SUCLG2: variants seen among roughly 807,000 people sequenced by gnomAD.
SUCLG2 encodes succinate-CoA ligase GDP-forming subunit beta.
Under a neutral mutation model 47.9 loss-of-function variants are expected in SUCLG2, and 42 were observed. The ratio of observed to expected loss-of-function variants is 0.88; its 90% confidence interval spans 0.69 to 1.14. SUCLG2 has a LOEUF of 1.14. SUCLG2 is among the 50% of genes most tolerant of loss of function. The pLI is 0.00. For synonymous variants in SUCLG2, 195 were observed against 197.3 expected, an observed-to-expected ratio of 0.99 and a Z score of 0.10; for missense variants, 571 against 525.9, an observed-to-expected ratio of 1.09 and a Z score of -0.84.
intron 2 of SUCLG2, among the ~76,000 whole-genome samples, chr3:67,550,648 T>C (rs1706988690): frequency 6.6e-6 from 1 of 152,212 alleles, no homozygotes; most frequent in South Asian, 2.1e-4. Context: ...CCTTTCTGTG[T>C]ACATCTGTCT....
In SUCLG2 at chr3:67,440,179, T is replaced by C. The variant is rs183091384; in HGVS notation, c.1063-39328A>G. 5.1e-4 allele frequency among the ~76,000 whole-genome samples: 78 copies of C among 152,300 alleles called. 2 individuals carry two copies. The East Asian group carries it at 0.011, about 22-fold the overall frequency. ...GTGTTTGGAAAACTGGCTAGCCATA[T>C]GCAGAAAACTGAAGCTGGACTCCTT... is the stretch of plus-strand genomic sequence containing the variant. On this transcript the variant is annotated intron_variant, in intron 9 of 10. Transcript: ENST00000307227.
intron 2 of SUCLG2, among the ~76,000 whole-genome samples, chr3:67,583,088 T>G (rs1384633283): frequency 6.6e-6 from 1 of 151,946 alleles, no homozygotes; most frequent in Non-Finnish European, 1.5e-5. Flanking sequence ...ATGACATACC[T>G]CCCTCTCCTC....
intron 6 of SUCLG2, among the ~76,000 whole-genome samples, chr3:67,517,441 AC>A (rs1705974231): frequency 6.6e-6 from 1 of 152,160 alleles, no homozygotes; most frequent in Non-Finnish European, 1.5e-5. Context: ...GCACACATAC[AC>A]ACAATCTAGG....
chr3:67,400,868 A>G lies in SUCLG2; in HGVS notation c.1063-17T>C. On this transcript the variant is annotated splice_polypyrimidine_tract_variant and intron_variant, in intron 9 of 10. Transcript: ENST00000307227. ...GGCTTCAACCTGAAATCAAAAATAA[A>G]AAGTTACCAATCAAAATGCTGATCG... 3 of 1,612,406 alleles carry G rather than the reference A, an allele frequency of 1.9e-6. No homozygotes were observed. The highest frequency in any genetic ancestry group is 2.5e-6 in the Non-Finnish European group (3 of 1,179,714).
chr3:67,549,635 A>T (rs1706958234), intron 2 of SUCLG2, among the ~76,000 whole-genome samples: 3 of 152,198 alleles, frequency 2.0e-5, no homozygotes, highest in Admixed American at 2.0e-4. Context: ...AATGAGAGAA[A>T]AACTATTTTC....
chr3:67,382,371 G>A (rs753665814), intron 10 of SUCLG2, among the ~76,000 whole-genome samples: 11 of 152,148 alleles, frequency 7.2e-5, no homozygotes, highest in Non-Finnish European at 1.2e-4. Flanking sequence ...ACATAACCAC[G>A]CAGCTGGCCT....
intron 10 of SUCLG2, among the ~76,000 whole-genome samples, chr3:67,379,200 G>A (rs538133405): frequency 6.6e-6 from 1 of 152,256 alleles, no homozygotes; most frequent in African/African-American, 2.4e-5. Flanking sequence ...ACTTGCCTCG[G>A]CCTCCCAAAG....
At chr3:67,616,095 T>C (rs1700623484) in intron 1 of SUCLG2, among the ~76,000 whole-genome samples, 2 of 152,038 alleles carry the variant, frequency 1.3e-5, no homozygotes, top group Non-Finnish European at 2.9e-5. Flanking sequence ...GCCCTATTTG[T>C]TGGCTACAAG....
At chr3:67,393,770 C>CCA (rs1275660219) in intron 10 of SUCLG2, among the ~76,000 whole-genome samples, 2 of 152,150 alleles carry the variant, frequency 1.3e-5, no homozygotes, top group Admixed American at 6.5e-5. Flanking sequence ...TGCGAGGCAC[C>CCA]CCAGCAGGGG....
intron 1 of SUCLG2, among the ~76,000 whole-genome samples, chr3:67,611,041 CT>C (rs1227738572): frequency 6.6e-6 from 1 of 152,174 alleles, no homozygotes; most frequent in Non-Finnish European, 1.5e-5. Context: ...TGAATCAACT[CT>C]GCCTTTTGTC....
intron 2 of SUCLG2, among the ~76,000 whole-genome samples, chr3:67,602,926 G>T (rs1431164830): frequency 6.6e-6 from 1 of 151,966 alleles, no homozygotes; most frequent in Non-Finnish European, 1.5e-5. Flanking sequence ...CACCAAGAAG[G>T]CAGGACAATC....
intron 9 of SUCLG2, among the ~76,000 whole-genome samples, chr3:67,457,602 A>G (rs951321718): frequency 1.3e-5 from 2 of 151,972 alleles, no homozygotes; most frequent in African/African-American, 4.8e-5. Flanking sequence ...AGAGATACAG[A>G]AATAAAATTA....
At chr3:67,494,643 A>G (rs1705284833) in intron 9 of SUCLG2, among the ~76,000 whole-genome samples, 1 of 152,302 alleles carries the variant, frequency 6.6e-6, no homozygotes, top group Non-Finnish European at 1.5e-5. Context: ...AAATAATCAA[A>G]AAATTAAAGA....
intron 9 of SUCLG2, among the ~76,000 whole-genome samples, chr3:67,430,432 C>T (rs1703444727): frequency 6.6e-6 from 1 of 152,176 alleles, no homozygotes; most frequent in Non-Finnish European, 1.5e-5. Flanking sequence ...ACCAGAATCT[C>T]TGAGACACAC....
downstream of SUCLG2, among the ~76,000 whole-genome samples, chr3:67,372,353 T>C (rs1454893962): frequency 6.6e-6 from 1 of 152,086 alleles, no homozygotes; most frequent in Non-Finnish European, 1.5e-5. Context: ...AAATGGATAC[T>C]GCCTTTGCAG....
chr3:67,493,505 T>C (rs1705255108), intron 9 of SUCLG2, among the ~76,000 whole-genome samples: 1 of 152,186 alleles, frequency 6.6e-6, no homozygotes, highest in Non-Finnish European at 1.5e-5. Flanking sequence ...GCTCTGACAG[T>C]AATTTTTCCA....
chr3:67,404,532 C>T (rs918341610), intron 9 of SUCLG2, among the ~76,000 whole-genome samples: 10 of 152,058 alleles, frequency 6.6e-5, no homozygotes, highest in African/African-American at 7.2e-5. Context: ...CATAGAAGTA[C>T]GCAGGCTGCT....
chr3:67,419,720 A>C (rs978507513), intron 9 of SUCLG2, among the ~76,000 whole-genome samples: 1 of 152,302 alleles, frequency 6.6e-6, no homozygotes, highest in East Asian at 1.9e-4. Flanking sequence ...ATAAGTGTCA[A>C]ACTATTATGA....
In SUCLG2 at chr3:67,642,124, G is replaced by T. The variant is rs187739127; in HGVS notation, c.84+12379C>A. Among the ~76,000 whole-genome samples, 307 of 152,012 alleles carry T rather than the reference G, an allele frequency of 2.0e-3. 2 individuals are homozygous for T. The highest frequency in any genetic ancestry group is 0.017 in the Middle Eastern group (5 of 294). ...TACAGAGAAAATCAAATTACATTAG[G>T]TCACATTCTGAGATACTGAAGGTTA... On this transcript the variant is annotated intron_variant, in intron 1 of 10. Coordinates refer to ENST00000307227, the MANE Select transcript of SUCLG2 (RefSeq NM_003848.4).
Sources: allele counts gnomAD v4.1 joint callset (sites outside exome capture counted in the v4.1 genomes callset), GRCh38; gene constraint gnomAD v4.1.1; transcripts MANE v1.5; gene names NCBI Gene and HGNC (gene_info 2026-07-23, HGNC 2026-07-21).